The following NBAS variants were observed in gnomAD, a reference collection of about 807,000 sequenced individuals.
The protein encoded by NBAS is NBAS subunit of NRZ tethering complex, also known as NAG/BC035112 fusion.
NBAS carries 219 observed loss-of-function variants against 302.5 expected under a neutral mutation model. The observed-to-expected ratio is 0.72, with a 90% CI of 0.65 to 0.81. NBAS has a LOEUF of 0.81. NBAS is among the 30% of genes least tolerant of loss of function. NBAS has a pLI of 0.00. For synonymous variants in NBAS, 1,118 were observed against 1,021.6 expected (o/e 1.09, Z -1.80); for missense variants, 2,932 against 2,841.6 (o/e 1.03, Z -0.72).
chr2:15,043,924 G>A, the NBAS span, among the ~76,000 whole-genome samples: 2 of 152,114 alleles, frequency 1.3e-5, no homozygotes, highest in African/African-American at 2.4e-5. Context: ...AAAACTTGAT[G>A]CATTCGGGCA....
chr2:14,993,392 T>C, the NBAS span, among the ~76,000 whole-genome samples: 1 of 152,176 alleles, frequency 6.6e-6, no homozygotes, highest in Non-Finnish European at 1.5e-5. Flanking sequence ...ACCTGCTGAT[T>C]TACCTTTTTT....
chr2:15,016,503 C>T, the NBAS span, among the ~76,000 whole-genome samples: 1 of 152,064 alleles, frequency 6.6e-6, no homozygotes, highest in Non-Finnish European at 1.5e-5. Context: ...ATATGCCATG[C>T]TCATGGATTG....
the NBAS span, among the ~76,000 whole-genome samples, chr2:15,052,421 C>T: frequency 6.6e-6 from 1 of 152,188 alleles, no homozygotes; most frequent in Non-Finnish European, 1.5e-5. Context: ...ATACCCTTTC[C>T]TCAACTTGTA....
rs143561304 is a variant in NBAS at position 15,474,077 on chromosome 2, T to C, written c.1589A>G (p.Tyr530Cys). The C allele has an allele frequency of 9.3e-6, 15 of 1,614,216 alleles. No homozygotes were observed. In the East Asian group the frequency reaches 2.7e-4, roughly 29 times the overall value. Residue 530 changes from tyrosine to cysteine, a missense_variant, in exon 15 of 52, where the codon TAT (tyrosine) becomes TGT (cysteine). By Grantham distance (194) the Tyr-to-Cys change is radical. Coordinates refer to ENST00000281513, the MANE Select transcript of NBAS (RefSeq NM_015909.4). Reference protein sequence around the residue: ...SLRSTTPEELYQRKIESEEYE... With the variant: ...SLRSTTPEELCQRKIESEEYE... ...ATGCTACTCTCTCACCTTCCTCTGATAAAGTTCCTCTGGTGTCGTGGAGCG... is the reference window on the plus strand; with the variant it reads ...ATGCTACTCTCTCACCTTCCTCTGACAAAGTTCCTCTGGTGTCGTGGAGCG...
At chr2:14,992,895 A>G in the NBAS span, among the ~76,000 whole-genome samples, 1 of 152,172 alleles carries the variant, frequency 6.6e-6, no homozygotes, top group Non-Finnish European at 1.5e-5. Context: ...CACCACAGCA[A>G]TGCACCATTC....
the NBAS span, among the ~76,000 whole-genome samples, chr2:14,999,648 G>C: frequency 2.3e-4 from 35 of 152,222 alleles, no homozygotes; most frequent in African/African-American, 8.2e-4. Flanking sequence ...GGTCTCCCCA[G>C]CCATGCCTCC....
chr2:15,171,628 G>A (rs546540135), intron 51 of NBAS, among the ~76,000 whole-genome samples: 16 of 152,122 alleles, frequency 1.1e-4, no homozygotes, highest in Non-Finnish European at 2.4e-4. Flanking sequence ...TACCAGGGGA[G>A]GTATCACTGC....
At position 15,417,582 on chromosome 2, in the gene NBAS, A is replaced by C. The variant is rs368196005; in HGVS notation, c.2708T>G (p.Leu903Arg). 5 of 1,614,000 alleles carry C rather than the reference A, an allele frequency of 3.1e-6. No homozygotes were observed. The highest frequency in any genetic ancestry group is 4.2e-6 in the Non-Finnish European group (5 of 1,179,946). The part of the protein sequence containing the change: ...YEARCDVTLT[L>R]KELQQMKDIE... ...GTCTTTCATCTGCTGGAGTTCTTTC[A>C]GGGTTAGAGTTACATCACACCTGGC... is the stretch of plus-strand genomic sequence containing the variant. The change falls in exon 24 of 52, where the codon CTG becomes CGG. Residue 903 changes from leucine to arginine, a missense_variant. Transcript: ENST00000281513.
chr2:15,067,383 AGGAGGGGAGGGGAGG>A, the NBAS span, among the ~76,000 whole-genome samples: 1 of 60,864 alleles, frequency 1.6e-5, no homozygotes, highest in African/African-American at 8.8e-5. Flanking sequence ...AGGAGAGGAG[AGGAGGGGAGGGGAGG>A]GGAGGGGAGG....
Position 15,218,839 on chromosome 2 carries a change from C to T in NBAS, c.6366G>A (p.Glu2122=). Residue 2122 remains glutamate, a synonymous_variant, in exon 48 of 52, where the codon GAG becomes GAA. Transcript: ENST00000281513. ...ILGQSFHLTE[E]DSKLLVFFRT... is the part of the protein sequence containing the mutation. ...TAAAGAACACGAGGAGCTTGCTGTC[C>T]TCCTCAGTCAGGTGAAATGATTGCC... is the stretch of plus-strand genomic sequence containing the variant. 2 of 1,614,260 alleles carry T rather than the reference C, an allele frequency of 1.2e-6. No individual in the cohort carries two copies. The highest frequency in any genetic ancestry group is 1.7e-6 in the Non-Finnish European group (2 of 1,180,054).
At chr2:15,045,855 A>C in the NBAS span, among the ~76,000 whole-genome samples, 1 of 152,100 alleles carries the variant, frequency 6.6e-6, no homozygotes, top group Non-Finnish European at 1.5e-5. Flanking sequence ...CTTTTTCTCT[A>C]CCTCCTTGCC....
chr2:14,819,692 C>G, the NBAS span, among the ~76,000 whole-genome samples: 4 of 152,164 alleles, frequency 2.6e-5, no homozygotes, highest in African/African-American at 9.7e-5. Context: ...AGCTTCTACA[C>G]AGCAAAGGTT....
At chr2:15,266,914 A>G (rs1423487368) in intron 44 of NBAS, among the ~76,000 whole-genome samples, 6 of 152,228 alleles carry the variant, frequency 3.9e-5, no homozygotes, top group Admixed American at 1.3e-4. Flanking sequence ...TTTGAAAGCC[A>G]TATCAATCTT....
the NBAS span, among the ~76,000 whole-genome samples, chr2:14,827,564 G>A: frequency 8.5e-5 from 13 of 152,256 alleles, no homozygotes; most frequent in Non-Finnish European, 1.5e-4. Flanking sequence ...TTCATCAGTG[G>A]ATGAATGGAT....
the NBAS span, among the ~76,000 whole-genome samples, chr2:14,791,254 G>A: frequency 6.6e-6 from 1 of 151,910 alleles, no homozygotes; most frequent in Non-Finnish European, 1.5e-5. Flanking sequence ...GCCTTCCAAA[G>A]TGCTGGGATT....
chr2:15,025,504 T>G, the NBAS span, among the ~76,000 whole-genome samples: 1 of 152,228 alleles, frequency 6.6e-6, no homozygotes, highest in Non-Finnish European at 1.5e-5. Context: ...GTGAAGAATG[T>G]CATTGGTAGT....
intron 3 of NBAS, 83 bp downstream of exon 3, chr2:15,556,700 C>T (rs1333704669): frequency 4.6e-6 from 6 of 1,292,046 alleles, no homozygotes; most frequent in Non-Finnish European, 6.7e-6. Context: ...ATCTAGAATT[C>T]AATTATGAAA....
intron 21 of NBAS, among the ~76,000 whole-genome samples, chr2:15,444,288 A>G (rs948301151): frequency 4.6e-5 from 7 of 152,146 alleles, no homozygotes; most frequent in African/African-American, 1.2e-4. Flanking sequence ...ACAGCATGGT[A>G]TTGGTACCAA....
At chr2:15,067,641 CAG>C in the NBAS span, among the ~76,000 whole-genome samples, 2 of 151,826 alleles carry the variant, frequency 1.3e-5, no homozygotes, top group African/African-American at 4.8e-5. Flanking sequence ...AACTCAGAAA[CAG>C]AGAGTAGAAT....
Sources: allele counts gnomAD v4.1 joint callset (sites outside exome capture counted in the v4.1 genomes callset), GRCh38; gene constraint gnomAD v4.1.1; transcripts MANE v1.5; gene names NCBI Gene and HGNC (gene_info 2026-07-23, HGNC 2026-07-21).